CSMD1: variants seen among roughly 807,000 people sequenced by gnomAD.
CSMD1 encodes CUB and Sushi multiple domains 1, also known as CUB and sushi domain-containing protein 1.
Under a neutral mutation model 417.5 loss-of-function variants are expected in CSMD1, and 213 were observed. The observed-to-expected ratio is 0.51, with a 90% CI of 0.46 to 0.57. The LOEUF is 0.57. Ranked by LOEUF, CSMD1 falls within the 20% of genes least tolerant of loss-of-function variation. The pLI, the probability that CSMD1 is intolerant of heterozygous loss-of-function variation, is 0.00. For synonymous variants in CSMD1, 2,862 were observed against 1,736.8 expected, an observed-to-expected ratio of 1.65 and a Z score of -16.11; for missense variants, 6,923 against 4,529.7, an observed-to-expected ratio of 1.53 and a Z score of -15.17.
intron 3 of CSMD1, among the ~76,000 whole-genome samples, chr8:4,362,281 G>C (rs1801812623): frequency 6.6e-6 from 1 of 152,090 alleles, no homozygotes; most frequent in African/African-American, 2.4e-5. Flanking sequence ...ACAAGCAGTG[G>C]ACTCCTCCTC....
intron 54 of CSMD1, among the ~76,000 whole-genome samples, chr8:2,987,082 T>A (rs1315692569): frequency 6.6e-6 from 1 of 152,140 alleles, no homozygotes; most frequent in African/African-American, 2.4e-5. Context: ...CTTAATGGTC[T>A]CTCCGACTAT....
At chr8:4,892,220 A>G (rs891642074) in intron 1 of CSMD1, among the ~76,000 whole-genome samples, 2 of 152,128 alleles carry the variant, frequency 1.3e-5, no homozygotes, top group African/African-American at 4.8e-5. Flanking sequence ...CTTAAAATAC[A>G]TTGCCAATAA....
At chr8:4,618,992 G>T (rs1274827100) in intron 2 of CSMD1, among the ~76,000 whole-genome samples, 1 of 152,096 alleles carries the variant, frequency 6.6e-6, no homozygotes, top group Non-Finnish European at 1.5e-5. Context: ...ATACCAGAAG[G>T]AGATTAAAAT....
chr8:2,970,353 G>C (rs1459549295), intron 57 of CSMD1, among the ~76,000 whole-genome samples: 1 of 152,162 alleles, frequency 6.6e-6, no homozygotes, highest in Non-Finnish European at 1.5e-5. Context: ...CAAGTGAATG[G>C]CCATCTTTGA....
At chr8:3,161,346 G>C (rs190202827) in intron 38 of CSMD1, among the ~76,000 whole-genome samples, 6 of 152,126 alleles carry the variant, frequency 3.9e-5, no homozygotes, top group African/African-American at 1.4e-4. Context: ...GCTGGACACA[G>C]TAGCTCACAC....
chr8:4,687,171 G>A (rs1250535000), intron 1 of CSMD1, among the ~76,000 whole-genome samples: 1 of 152,212 alleles, frequency 6.6e-6, no homozygotes. Context: ...CAGAGAGGCA[G>A]GGGTCTTAGT....
At chr8:3,104,141 A>G (rs540733010) in intron 46 of CSMD1, among the ~76,000 whole-genome samples, 12 of 152,292 alleles carry the variant, frequency 7.9e-5, no homozygotes, top group African/African-American at 2.6e-4. Flanking sequence ...CTATTCTGAG[A>G]AACTTGAGGC....
intron 4 of CSMD1, among the ~76,000 whole-genome samples, chr8:4,006,239 G>C (rs969123915): frequency 6.6e-6 from 1 of 152,150 alleles, no homozygotes; most frequent in Non-Finnish European, 1.5e-5. Flanking sequence ...TTTGTGCGCA[G>C]GAGTAAGGAT....
At chr8:3,271,172 T>C (rs1016662960) in intron 26 of CSMD1, among the ~76,000 whole-genome samples, 3 of 149,480 alleles carry the variant, frequency 2.0e-5, no homozygotes, top group Non-Finnish European at 4.4e-5. Flanking sequence ...AGTGAGAATA[T>C]GCGGTGTTTG....
intron 25 of CSMD1, among the ~76,000 whole-genome samples, chr8:3,306,144 TTTTGTTAAG>T (rs1000833213): frequency 2.6e-5 from 4 of 152,098 alleles, no homozygotes; most frequent in Non-Finnish European, 4.4e-5. Flanking sequence ...CCCATTTTAT[TTTTGTTAAG>T]TTATAGGGTT....
chr8:3,343,353 C>A lies in CSMD1; in HGVS notation c.3572G>T (p.Trp1191Leu). ...LILNSTSNHL[W>L]LEFNTNGSDT... is the part of the protein sequence containing the mutation. ...AGATCCATTGGTGTTGAACTCTAGCCACAGGTGATTGGATGTGCTGTTTAG... is the reference window on the plus strand; with the variant it reads ...AGATCCATTGGTGTTGAACTCTAGCAACAGGTGATTGGATGTGCTGTTTAG... Residue 1191 changes from tryptophan (W) to leucine (L), a missense_variant, in exon 23 of 70, where the codon TGG (tryptophan) becomes TTG (leucine). Trp to Leu is a moderately conservative substitution (Grantham distance 61). Transcript: ENST00000635120. 1 of 1,613,802 alleles carries A rather than the reference C, an allele frequency of 6.2e-7. No individual in the cohort carries two copies. Among genetic ancestry groups the A allele is most frequent in the East Asian group, 2.2e-5 (1 of 44,870 alleles).
intron 5 of CSMD1, among the ~76,000 whole-genome samples, chr8:3,994,361 G>C (rs966914690): frequency 6.7e-6 from 1 of 149,924 alleles, no homozygotes; most frequent in Non-Finnish European, 1.5e-5. Context: ...AAACCATAGA[G>C]GGAGAACTCA....
At chr8:3,864,290 T>C (rs781660275) in intron 5 of CSMD1, among the ~76,000 whole-genome samples, 1 of 152,006 alleles carries the variant, frequency 6.6e-6, no homozygotes, top group Non-Finnish European at 1.5e-5. Flanking sequence ...ATTTGGCCAA[T>C]ATTTGTTGAG....
chr8:4,856,839 C>G (rs887947328), intron 1 of CSMD1, among the ~76,000 whole-genome samples: 1 of 151,888 alleles, frequency 6.6e-6, no homozygotes, highest in Non-Finnish European at 1.5e-5. Flanking sequence ...ACCCCACTGT[C>G]AACATTACAC....
chr8:3,755,369 C>T (rs1042453444), intron 5 of CSMD1, among the ~76,000 whole-genome samples: 2 of 152,212 alleles, frequency 1.3e-5, no homozygotes, highest in African/African-American at 4.8e-5. Context: ...GTACCTGAAG[C>T]ACATTCTCCA....
intron 46 of CSMD1, among the ~76,000 whole-genome samples, chr8:3,101,475 T>G (rs1332762512): frequency 1.3e-5 from 2 of 152,122 alleles, no homozygotes; most frequent in Non-Finnish European, 2.9e-5. Context: ...CAGGCTGGAG[T>G]GCAATGACAC....
In CSMD1 at chr8:4,519,742, C is replaced by CAAAAAAAAAAAAAAAAA. The variant is rs57747377; in HGVS notation, c.303-99694_303-99678dup. Among the ~76,000 whole-genome samples, 55 of 80,366 alleles carry CAAAAAAAAAAAAAAAAA rather than the reference C, an allele frequency of 6.8e-4. 17 individuals carry two copies. The highest frequency in any genetic ancestry group is 2.0e-3 in the African/African-American group (39 of 19,120). 52.7% of individuals were successfully genotyped at this position (80,366 alleles called of 152,430 possible). A position where few individuals can be genotyped will look rare whatever the true frequency, so the allele number is the denominator to read the frequency against. Reference sequence around the variant, plus strand: ...TAGGCAGCAGAGTCAGACTTCATCTCAAAAAAAAAAAAAAAAAAAAAAAAA... The same window carrying CAAAAAAAAAAAAAAAAA: ...TAGGCAGCAGAGTCAGACTTCATCTCAAAAAAAAAAAAAAAAAAAAAAAAAAAAAAAAAAAAAAAAAA... On this transcript the variant is annotated intron_variant, in intron 2 of 69. Coordinates refer to ENST00000635120, the MANE Select transcript of CSMD1 (RefSeq NM_033225.6).
At chr8:4,485,799 C>G (rs544376968) in intron 2 of CSMD1, among the ~76,000 whole-genome samples, 2 of 152,074 alleles carry the variant, frequency 1.3e-5, no homozygotes, top group East Asian at 3.9e-4. Flanking sequence ...CTGCTACTGA[C>G]AAAAGAAATG....
intron 23 of CSMD1, among the ~76,000 whole-genome samples, chr8:3,320,492 G>T (rs1042443340): frequency 6.6e-6 from 1 of 152,178 alleles, no homozygotes; most frequent in Non-Finnish European, 1.5e-5. Flanking sequence ...ACCTGAATTT[G>T]TTGCTGCTGT....
Sources: allele counts gnomAD v4.1 joint callset (sites outside exome capture counted in the v4.1 genomes callset), GRCh38; gene constraint gnomAD v4.1.1; transcripts MANE v1.5; gene names NCBI Gene and HGNC (gene_info 2026-07-23, HGNC 2026-07-21).